UBE2B: variants seen among roughly 807,000 people sequenced by gnomAD.
UBE2B encodes ubiquitin-conjugating enzyme E2 B.
A neutral mutation model predicts 24.6 loss-of-function variants in UBE2B; 11 were observed. The observed-to-expected ratio is 0.45, with a 90% CI of 0.28 to 0.74. UBE2B has a LOEUF of 0.74. Ranked by LOEUF, UBE2B falls within the 30% of genes least tolerant of loss-of-function variation. The probability of loss-of-function intolerance (pLI) is 0.13; values close to 1 mark genes in which losing one functional copy is unlikely to be tolerated. For synonymous variants in UBE2B, 68 were observed against 62.4 expected, an observed-to-expected ratio of 1.09 and a Z score of -0.42; for missense variants, 78 against 185.6, an observed-to-expected ratio of 0.42 and a Z score of 3.37.
At chr5:134,375,130 C>T (rs1206772294) in intron 2 of UBE2B, among the ~76,000 whole-genome samples, 4 of 152,122 alleles carry the variant, frequency 2.6e-5, no homozygotes, top group Admixed American at 2.6e-4. Flanking sequence ...CAAATGCTCT[C>T]ATTCTGTTGG....
In UBE2B at chr5:134,390,545, A is replaced by G; in HGVS notation, c.*192A>G. 2 of 592,322 alleles carry G rather than the reference A, an allele frequency of 3.4e-6. No homozygotes were observed. Among genetic ancestry groups the G allele is most frequent in the Non-Finnish European group, 5.8e-6 (2 of 347,102 alleles). The allele number at this position is 592,322 out of a possible 1,614,324, so 36.7% of individuals were successfully genotyped here. On this transcript the variant is annotated 3_prime_UTR_variant, in exon 6 of 6. Transcript: ENST00000265339. The surrounding 1 kb of genome is among the most constrained non-coding windows in gnomAD (Gnocchi z 4.6). ...TACTTTTTATTGCATGGTGTGAACT[A>G]AGTTATTGCTGCATAAATTTGTAAT...
At chr5:134,383,058 G>A (rs1379393466) in intron 4 of UBE2B, among the ~76,000 whole-genome samples, 4 of 152,062 alleles carry the variant, frequency 2.6e-5, no homozygotes, top group South Asian at 4.2e-4. Flanking sequence ...CCAGCTACTC[G>A]GGAGGCTGAG....
chr5:134,386,532 T>A (rs1372885878), intron 4 of UBE2B, among the ~76,000 whole-genome samples: 1 of 151,622 alleles, frequency 6.6e-6, no homozygotes, highest in Non-Finnish European at 1.5e-5. Context: ...CGTGGGAGGC[T>A]GAGGCAGCAG....
intron 1 of UBE2B, among the ~76,000 whole-genome samples, chr5:134,372,236 G>T (rs941776264): frequency 2.6e-5 from 4 of 152,176 alleles, no homozygotes; most frequent in Non-Finnish European, 5.9e-5. Context: ...TTAGAGATCT[G>T]GGACCTTAGA....
At chr5:134,378,452 G>A (rs1282993206) in intron 3 of UBE2B, among the ~76,000 whole-genome samples, 1 of 152,056 alleles carries the variant, frequency 6.6e-6, no homozygotes, top group Admixed American at 6.6e-5. Context: ...TAGAGATGGG[G>A]TTTCACCATG....
Position 134,390,515 on chromosome 5 carries a change from T to G in UBE2B, c.*162T>G, listed in dbSNP as rs1473275717. On this transcript the variant is annotated 3_prime_UTR_variant, in exon 6 of 6. Transcript: ENST00000265339. The surrounding 1 kb of genome is among the most constrained non-coding windows in gnomAD (Gnocchi z 4.6). ...CCTACAAAAGCTTGTGTATCTTGAT[T>G]AATGTACTTTTTATTGCATGGTGTG... 1.0e-5 allele frequency: 8 copies of G among 763,832 alleles called. No individual in the cohort carries two copies. The East Asian group carries it at 2.3e-4, about 22-fold the overall frequency. The allele number at this position is 763,832 out of a possible 1,614,324, so 47.3% of individuals were successfully genotyped here.
At chr5:134,376,362 T>TATATATATATATATAC (rs1183340869) in intron 2 of UBE2B, among the ~76,000 whole-genome samples, 2 of 89,462 alleles carry the variant, frequency 2.2e-5, no homozygotes, top group African/African-American at 4.1e-5. Context: ...TATATATATA[T>TATATATATATATATAC]ATACACATAT....
intron 3 of UBE2B, among the ~76,000 whole-genome samples, chr5:134,377,867 A>T (rs546774317): frequency 1.3e-5 from 2 of 152,228 alleles, no homozygotes; most frequent in Non-Finnish European, 2.9e-5. Context: ...GCACCAAACC[A>T]TACTAATAGT....
chr5:134,372,225 C>T (rs1400887611), intron 1 of UBE2B, among the ~76,000 whole-genome samples: 1 of 152,204 alleles, frequency 6.6e-6, no homozygotes, highest in East Asian at 1.9e-4. Flanking sequence ...TGGGAACTGA[C>T]TTAGAGATCT....
At chr5:134,372,053 G>T (rs1376925728) in intron 1 of UBE2B, among the ~76,000 whole-genome samples, 1 of 152,198 alleles carries the variant, frequency 6.6e-6, no homozygotes, top group Non-Finnish European at 1.5e-5. Context: ...TTGTTTCACG[G>T]CCCCGCCGTC....
Position 134,371,641 on chromosome 5 carries a change from T to TA in UBE2B, c.44+4dup. ...GAGGCTCATGCGGGATTTCAAGCGG[T>TA]AAGGGCCTTCACCTTCGCCTAGATG... On this transcript the variant is annotated splice_region_variant and intron_variant, in intron 1 of 5. Coordinates refer to ENST00000265339, the MANE Select transcript of UBE2B (RefSeq NM_003337.4). 2 of 1,612,674 alleles carry TA rather than the reference T, an allele frequency of 1.2e-6. No homozygotes were observed. The highest frequency in any genetic ancestry group is 1.7e-6 in the Non-Finnish European group (2 of 1,179,734).
chr5:134,388,500 G>A, intron 5 of UBE2B, 87 bp downstream of exon 5: 1 of 1,201,498 alleles, frequency 8.3e-7, no homozygotes, highest in Non-Finnish European at 1.2e-6. Flanking sequence ...CAATGGCAGA[G>A]CTTGGACAAG....
chr5:134,381,457 C>T (rs533400892), intron 4 of UBE2B, among the ~76,000 whole-genome samples: 18 of 152,124 alleles, frequency 1.2e-4, no homozygotes, highest in African/African-American at 3.9e-4. Flanking sequence ...TTTTTGTAGA[C>T]ACAAAGTCTC....
At chr5:134,383,786 T>G (rs2149692770) in intron 4 of UBE2B, among the ~76,000 whole-genome samples, 1 of 152,194 alleles carries the variant, frequency 6.6e-6, no homozygotes, top group African/African-American at 2.4e-5. Flanking sequence ...CAGATACTAA[T>G]TATTATTTTG....
intron 3 of UBE2B, among the ~76,000 whole-genome samples, chr5:134,379,130 G>A (rs1758658466): frequency 2.0e-5 from 3 of 151,970 alleles, no homozygotes; most frequent in South Asian, 2.1e-4. Context: ...CTGTAAACTC[G>A]AGTCACCCAA....
At chr5:134,376,716 T>G (rs988169579) in intron 3 of UBE2B, 22 bp downstream of exon 3, 1 of 1,605,320 alleles carries the variant, frequency 6.2e-7, no homozygotes, top group Non-Finnish European at 8.5e-7. Flanking sequence ...TCATTATGTT[T>G]TCTATAGTGT....
chr5:134,380,169 C>T (rs1211919252), intron 3 of UBE2B, among the ~76,000 whole-genome samples: 1 of 152,136 alleles, frequency 6.6e-6, no homozygotes, highest in Non-Finnish European at 1.5e-5. Context: ...CCTTAGCCTC[C>T]CAAAGTGCTG....
At chr5:134,373,225 G>A (rs1165212742) in intron 1 of UBE2B, among the ~76,000 whole-genome samples, 1 of 151,944 alleles carries the variant, frequency 6.6e-6, no homozygotes, top group African/African-American at 2.4e-5. Flanking sequence ...TGAAGCAAAA[G>A]GAATAGAGTA....
chr5:134,375,821 A>AG (rs1201617528), intron 2 of UBE2B, among the ~76,000 whole-genome samples: 1 of 150,618 alleles, frequency 6.6e-6, no homozygotes, highest in African/African-American at 2.4e-5. Flanking sequence ...AAAAAAAAAA[A>AG]AAAAACTTTA....
Sources: allele counts gnomAD v4.1 joint callset (sites outside exome capture counted in the v4.1 genomes callset), GRCh38; gene constraint gnomAD v4.1.1; non-coding constraint Gnocchi (gnomAD v3.1); transcripts MANE v1.5; gene names NCBI Gene and HGNC (gene_info 2026-07-23, HGNC 2026-07-21).